CADM2: variants seen among roughly 807,000 people sequenced by gnomAD.
CADM2 encodes the protein cell adhesion molecule 2.
CADM2 carries 12 observed loss-of-function variants against 49.8 expected under a neutral mutation model. That is an observed-to-expected ratio of 0.24 (90% CI 0.15 to 0.39). CADM2 has a LOEUF of 0.39. Ranked by LOEUF, CADM2 falls within the 10% of genes least tolerant of loss-of-function variation. The pLI is 1.00. For missense variants in CADM2, 378 were observed against 492.3 expected (o/e 0.77, Z 2.20); for synonymous variants, 214 against 175.4 (o/e 1.22, Z -1.74).
At chr3:85,304,527 T>C (rs903954505) in intron 1 of CADM2, among the ~76,000 whole-genome samples, 5 of 151,822 alleles carry the variant, frequency 3.3e-5, no homozygotes, top group African/African-American at 1.2e-4. Flanking sequence ...TGGGATCACC[T>C]TTGAAATTTA....
At chr3:85,459,691 A>G (rs1445686315) in intron 1 of CADM2, among the ~76,000 whole-genome samples, 1 of 152,226 alleles carries the variant, frequency 6.6e-6, no homozygotes, top group African/African-American at 2.4e-5. Context: ...AGTTAATTGT[A>G]TATCATTTAT....
At chr3:86,050,463 C>A (rs1399344809) in intron 8 of CADM2, among the ~76,000 whole-genome samples, 1 of 152,178 alleles carries the variant, frequency 6.6e-6, no homozygotes, top group Non-Finnish European at 1.5e-5. Context: ...TGACTCTACT[C>A]CCAGAGCTCC....
intron 8 of CADM2, chr3:85,992,332 T>G (rs1211638504): frequency 6.6e-6 from 1 of 152,120 alleles, no homozygotes; most frequent in Non-Finnish European, 1.5e-5. Context: ...ATTTCTTAAG[T>G]TTTTAGTAAG....
At chr3:85,294,834 A>T (rs1009182647) in intron 1 of CADM2, among the ~76,000 whole-genome samples, 1 of 152,290 alleles carries the variant, frequency 6.6e-6, no homozygotes, top group East Asian at 1.9e-4. Context: ...AACCATAAAA[A>T]CCCTAGAAGA....
At chr3:85,604,260 A>G (rs935725995) in intron 1 of CADM2, among the ~76,000 whole-genome samples, 11 of 151,904 alleles carry the variant, frequency 7.2e-5, no homozygotes, top group African/African-American at 2.7e-4. Context: ...CACTGGAGGG[A>G]CTTTGCTCAG....
At chr3:85,002,008 C>T (rs2033488781) in intron 1 of CADM2, among the ~76,000 whole-genome samples, 2 of 152,044 alleles carry the variant, frequency 1.3e-5, no homozygotes, top group Non-Finnish European at 2.9e-5. Context: ...CTGTGATTAA[C>T]AGGCTTTTGT....
At chr3:85,542,731 A>G (rs1018202934) in intron 1 of CADM2, among the ~76,000 whole-genome samples, 9 of 152,222 alleles carry the variant, frequency 5.9e-5, no homozygotes, top group African/African-American at 1.9e-4. Context: ...TGACATGATT[A>G]TATTATTTCT....
In CADM2 at chr3:85,212,815, T is replaced by TTTCTTTCTTTCC. The variant is rs1216102951; in HGVS notation, c.61+253158_61+253159insCTTCTTTCTTTC. ...CAGATATTTTCTTCTTTTTCTTCTCTTTCTTTCTTTCTTTCTTTCTTTCTT... is the reference window on the plus strand; with the variant it reads ...CAGATATTTTCTTCTTTTTCTTCTCTTTCTTTCTTTCCTTCTTTCTTTCTTTCTTTCTTTCTT... On this transcript the variant is annotated intron_variant, in intron 1 of 9. Coordinates refer to ENST00000383699, the MANE Select transcript of CADM2 (RefSeq NM_001167675.2). Among the ~76,000 whole-genome samples the TTTCTTTCTTTCC allele has an allele frequency of 9.5e-4, 42 of 44,022 alleles. 7 individuals are homozygous for TTTCTTTCTTTCC. Among genetic ancestry groups the TTTCTTTCTTTCC allele is most frequent in the Non-Finnish European group, 1.4e-3 (33 of 23,286 alleles). 28.9% of individuals were successfully genotyped at this position (44,022 alleles called of 152,430 possible).
intron 1 of CADM2, among the ~76,000 whole-genome samples, chr3:85,302,512 CT>C (rs1159801602): frequency 6.6e-6 from 1 of 152,028 alleles, no homozygotes; most frequent in Non-Finnish European, 1.5e-5. Flanking sequence ...ATCTTGAATA[CT>C]TTTAATCGTT....
chr3:85,216,277 AAATATATTTATATTT>A (rs1246680970), intron 1 of CADM2, among the ~76,000 whole-genome samples: 2 of 147,162 alleles, frequency 1.4e-5, no homozygotes, highest in Admixed American at 6.8e-5. Flanking sequence ...TTTATCTATT[AAATATATTTATATTT>A]AATATATTTA....
At chr3:85,620,197 TTAGAA>T (rs2063930723) in intron 1 of CADM2, among the ~76,000 whole-genome samples, 1 of 152,108 alleles carries the variant, frequency 6.6e-6, no homozygotes, top group Admixed American at 6.6e-5. Flanking sequence ...GAATGAACAC[TTAGAA>T]TTATCTTTGT....
At chr3:85,841,356 A>C (rs1460385893) in intron 3 of CADM2, among the ~76,000 whole-genome samples, 1 of 151,890 alleles carries the variant, frequency 6.6e-6, no homozygotes, top group Non-Finnish European at 1.5e-5. Context: ...ATGAATTTAG[A>C]GTACCTTGCT....
chr3:85,617,147 G>A (rs1196924425), intron 1 of CADM2, among the ~76,000 whole-genome samples: 1 of 152,074 alleles, frequency 6.6e-6, no homozygotes, highest in Non-Finnish European at 1.5e-5. Flanking sequence ...TGAAGATGAT[G>A]TCAGATTCCA....
chr3:84,987,309 C>T (rs192841117), intron 1 of CADM2, among the ~76,000 whole-genome samples: 1 of 152,064 alleles, frequency 6.6e-6, no homozygotes, highest in Admixed American at 6.5e-5. Flanking sequence ...ACACAAGGAA[C>T]TCTTCCAGCC....
At chr3:85,021,145 A>G (rs1334321502) in intron 1 of CADM2, among the ~76,000 whole-genome samples, 6 of 151,472 alleles carry the variant, frequency 4.0e-5, no homozygotes, top group Non-Finnish European at 7.4e-5. Context: ...GGGGAAAAAA[A>G]AGAAAAAAAG....
chr3:85,403,690 A>G (rs1426725152), intron 1 of CADM2, among the ~76,000 whole-genome samples: 1 of 152,112 alleles, frequency 6.6e-6, no homozygotes, highest in Non-Finnish European at 1.5e-5. Context: ...ACTTGAATTT[A>G]TTTCTATTGT....
At chr3:85,380,081 G>A (rs990564962) in intron 1 of CADM2, among the ~76,000 whole-genome samples, 5 of 151,850 alleles carry the variant, frequency 3.3e-5, no homozygotes, top group African/African-American at 1.2e-4. Flanking sequence ...TTTCTTCCCC[G>A]TACTACATAA....
chr3:85,786,937 C>T (rs2071026091), intron 2 of CADM2, among the ~76,000 whole-genome samples: 1 of 151,946 alleles, frequency 6.6e-6, no homozygotes, highest in Non-Finnish European at 1.5e-5. Flanking sequence ...TGTGTTACTG[C>T]ATTTTTGTAG....
chr3:85,001,589 C>G (rs2033464945), intron 1 of CADM2, among the ~76,000 whole-genome samples: 1 of 151,946 alleles, frequency 6.6e-6, no homozygotes, highest in Middle Eastern at 3.2e-3. Flanking sequence ...ATTTGTTAAT[C>G]TCAATGTCTC....
Sources: allele counts gnomAD v4.1 joint callset (sites outside exome capture counted in the v4.1 genomes callset), GRCh38; gene constraint gnomAD v4.1.1; transcripts MANE v1.5; gene names NCBI Gene and HGNC (gene_info 2026-07-23, HGNC 2026-07-21).